The following PHLDB2 variants were observed in gnomAD, a reference collection of about 807,000 sequenced individuals.
PHLDB2 encodes pleckstrin homology-like domain family B member 2.
PHLDB2 carries 71 observed loss-of-function variants against 123.6 expected under a neutral mutation model. The ratio of observed to expected loss-of-function variants is 0.57; its 90% CI spans 0.47 to 0.70. PHLDB2 has a LOEUF of 0.70. Ranked by LOEUF, PHLDB2 falls within the 30% of genes least tolerant of loss-of-function variation. PHLDB2 has a pLI of 0.00. For synonymous variants in PHLDB2, 547 were observed against 541.6 expected (o/e 1.01, Z -0.14); for missense variants, 1,446 against 1,519.5 (o/e 0.95, Z 0.80).
At chr3:111,821,801 C>T (rs988032721) in intron 1 of PHLDB2, among the ~76,000 whole-genome samples, 2 of 152,106 alleles carry the variant, frequency 1.3e-5, no homozygotes, top group Admixed American at 6.5e-5. Context: ...AAAAATAAGA[C>T]GTTGTTTGCC....
chr3:111,796,926 T>G (rs2108238370), intron 1 of PHLDB2, among the ~76,000 whole-genome samples: 1 of 152,356 alleles, frequency 6.6e-6, no homozygotes, highest in Middle Eastern at 3.4e-3. Context: ...ATAAGCCTTC[T>G]AGTGTTATTC....
At chr3:111,879,043 G>T (rs1200651899) in intron 1 of PHLDB2, among the ~76,000 whole-genome samples, 1 of 152,154 alleles carries the variant, frequency 6.6e-6, no homozygotes, top group Non-Finnish European at 1.5e-5. Flanking sequence ...CCAGGTTTTG[G>T]TATCAGGATG....
intron 1 of PHLDB2, among the ~76,000 whole-genome samples, chr3:111,734,012 A>C (rs1941597472): frequency 6.6e-6 from 1 of 152,194 alleles, no homozygotes; most frequent in Non-Finnish European, 1.5e-5. Context: ...CCCCTCAGGC[A>C]GGGTTTGTGG....
intron 2 of PHLDB2, among the ~76,000 whole-genome samples, chr3:111,849,269 C>T (rs1559866617): frequency 6.6e-6 from 1 of 152,102 alleles, no homozygotes; most frequent in Non-Finnish European, 1.5e-5. Context: ...TTCTTAGGCT[C>T]AAGTGATCCT....
At chr3:111,790,526 A>AT (rs2060872098) in intron 1 of PHLDB2, among the ~76,000 whole-genome samples, 1 of 152,226 alleles carries the variant, frequency 6.6e-6, no homozygotes, top group Non-Finnish European at 1.5e-5. Flanking sequence ...GAATTATTGC[A>AT]ACTCAGGAGC....
intron 1 of PHLDB2, among the ~76,000 whole-genome samples, chr3:111,790,607 C>A (rs1158873402): frequency 6.6e-6 from 1 of 152,132 alleles, no homozygotes; most frequent in Non-Finnish European, 1.5e-5. Context: ...GGAAAAGAAC[C>A]TTTCGCAGAT....
intron 2 of PHLDB2, among the ~76,000 whole-genome samples, chr3:111,898,876 T>TA (rs2067032018): frequency 6.6e-6 from 1 of 152,230 alleles, no homozygotes; most frequent in East Asian, 1.9e-4. Context: ...CATCTGCAGT[T>TA]ACTTCTTCCA....
chr3:111,868,610 T>C (rs1226173569), intron 1 of PHLDB2, among the ~76,000 whole-genome samples: 2 of 151,014 alleles, frequency 1.3e-5, no homozygotes, highest in African/African-American at 4.9e-5. Flanking sequence ...TTAATTTGTG[T>C]TGAGCTGAAT....
At chr3:111,972,501 C>T (rs2072265871) in intron 16 of PHLDB2, among the ~76,000 whole-genome samples, 1 of 138,876 alleles carries the variant, frequency 7.2e-6, no homozygotes, top group Admixed American at 7.6e-5. Flanking sequence ...GAAAGTAAGT[C>T]TCTTTATCAT....
chr3:111,875,942 T>C (rs2107280983), intron 1 of PHLDB2, among the ~76,000 whole-genome samples: 1 of 152,218 alleles, frequency 6.6e-6, no homozygotes, highest in Non-Finnish European at 1.5e-5. Context: ...TCCAAATGTA[T>C]TATATAAAAT....
intron 14 of PHLDB2, among the ~76,000 whole-genome samples, chr3:111,967,316 A>G (rs1260517176): frequency 2.0e-5 from 3 of 152,248 alleles, no homozygotes; most frequent in African/African-American, 7.2e-5. Context: ...ACAGTAGTCA[A>G]AAGACAGGCT....
chr3:111,936,604 T>G lies in PHLDB2; in HGVS notation c.2131-2871T>G, dbSNP rs897895089. 2.3e-4 allele frequency among the ~76,000 whole-genome samples: 35 copies of G among 152,230 alleles called. 2 individuals are homozygous for G. Among genetic ancestry groups the G allele is most frequent in the Non-Finnish European group, 2.9e-5 (2 of 68,034 alleles). ...TCAACTTTCTTACTTAGTATGCCATTATTTTCATGCAGTGGTTTAAGTATT... is the reference window on the plus strand; with the variant it reads ...TCAACTTTCTTACTTAGTATGCCATGATTTTCATGCAGTGGTTTAAGTATT... On this transcript the variant is annotated intron_variant, in intron 6 of 17. Transcript: ENST00000431670.
chr3:111,865,549 T>C (rs1282999), intron 1 of PHLDB2, among the ~76,000 whole-genome samples: 149,704 of 152,196 alleles, frequency 0.98, 73,676 homozygotes, highest in East Asian at 1. Flanking sequence ...TGTAGTTCAC[T>C]CTCACCATGT....
intron 2 of PHLDB2, among the ~76,000 whole-genome samples, chr3:111,909,399 C>T (rs1178593529): frequency 6.6e-6 from 1 of 152,074 alleles, no homozygotes; most frequent in Non-Finnish European, 1.5e-5. Flanking sequence ...AGCTTGAGAC[C>T]AGCCTGTGCA....
intron 1 of PHLDB2, among the ~76,000 whole-genome samples, chr3:111,790,323 G>T (rs964081125): frequency 6.6e-6 from 1 of 152,140 alleles, no homozygotes; most frequent in Non-Finnish European, 1.5e-5. Flanking sequence ...GAAGTTCATT[G>T]TGTCTCCTTT....
intron 1 of PHLDB2, among the ~76,000 whole-genome samples, chr3:111,834,240 A>ATTCTAT (rs1559858337): frequency 1.8e-4 from 13 of 72,892 alleles, no homozygotes; most frequent in African/African-American, 1.1e-3. Context: ...TATGTATATA[A>ATTCTAT]TAGAATTATA....
intron 1 of PHLDB2, among the ~76,000 whole-genome samples, chr3:111,798,993 A>G (rs2061277277): frequency 6.6e-6 from 1 of 152,224 alleles, no homozygotes; most frequent in Non-Finnish European, 1.5e-5. Flanking sequence ...ACTTACAATC[A>G]TGGCAGAAGG....
At chr3:111,856,971 A>C (rs1270582067), upstream of PHLDB2, among the ~76,000 whole-genome samples, 1 of 152,228 alleles carries the variant, frequency 6.6e-6, no homozygotes, top group Admixed American at 6.5e-5. Context: ...TGGTCAGAGC[A>C]GGCCTGAGCA....
chr3:111,769,219 G>T (rs73852887), intron 1 of PHLDB2, among the ~76,000 whole-genome samples: 1 of 152,102 alleles, frequency 6.6e-6, no homozygotes, highest in Non-Finnish European at 1.5e-5. Context: ...GATGAGGATT[G>T]GCCTATGAAA....
Sources: allele counts gnomAD v4.1 joint callset (sites outside exome capture counted in the v4.1 genomes callset), GRCh38; gene constraint gnomAD v4.1.1; transcripts MANE v1.5; gene names NCBI Gene and HGNC (gene_info 2026-07-23, HGNC 2026-07-21).